KDM4C: variants seen among roughly 807,000 people sequenced by gnomAD.
KDM4C encodes the protein lysine-specific demethylase 4C.
In KDM4C, 81 loss-of-function variants were observed where a neutral mutation model predicts 129.3. That is an observed-to-expected ratio of 0.63 (90% confidence interval 0.52 to 0.75). The LOEUF is 0.75. Ranked by LOEUF, KDM4C falls within the 30% of genes least tolerant of loss-of-function variation. The probability of loss-of-function intolerance (pLI) is 0.00; values close to 1 mark genes in which losing one functional copy is unlikely to be tolerated. For missense variants in KDM4C, 1,457 were observed against 1,304.0 expected, an observed-to-expected ratio of 1.12 and a Z score of -1.81; for synonymous variants, 573 against 456.1, an observed-to-expected ratio of 1.26 and a Z score of -3.26.
chr9:6,984,484 G>T, intron 10 of KDM4C, 80 bp downstream of exon 10: 1 of 890,466 alleles, frequency 1.1e-6, no homozygotes, highest in Admixed American at 1.8e-5. Flanking sequence ...TGTTCACTAT[G>T]ACAAGTATCT....
intron 4 of KDM4C, among the ~76,000 whole-genome samples, chr9:6,833,252 A>T (rs1022291335): frequency 1.3e-5 from 2 of 152,008 alleles, no homozygotes; most frequent in Non-Finnish European, 1.5e-5. Flanking sequence ...TATTTTTTTT[A>T]AAAAACAGAA....
intron 7 of KDM4C, 45 bp downstream of exon 7, chr9:6,888,108 G>C: frequency 1.9e-6 from 2 of 1,053,206 alleles, no homozygotes; most frequent in Non-Finnish European, 2.8e-6. Context: ...GTTTGTGTAG[G>C]ATTTGTATTT....
At chr9:7,127,567 G>A (rs1473875842) in intron 18 of KDM4C, among the ~76,000 whole-genome samples, 1 of 152,160 alleles carries the variant, frequency 6.6e-6, no homozygotes, top group African/African-American at 2.4e-5. Flanking sequence ...CCTGATTAAA[G>A]AAGCCTAAAG....
At chr9:6,794,186 G>C (rs1039265355) in intron 2 of KDM4C, among the ~76,000 whole-genome samples, 1 of 152,248 alleles carries the variant, frequency 6.6e-6, no homozygotes, top group African/African-American at 2.4e-5. Context: ...GCTAGAGGTA[G>C]GGATATGGGG....
In KDM4C at chr9:6,955,888, T is replaced by C. The variant is rs143467963; in HGVS notation, c.922-25037T>C. Among the ~76,000 whole-genome samples the C allele has an allele frequency of 2.7e-4, 41 of 152,342 alleles. No individual in the cohort carries two copies. The East Asian group carries it at 6.7e-3, about 25-fold the overall frequency. On this transcript the variant is annotated intron_variant, in intron 8 of 21. Transcript: ENST00000381309. ...ACAAAATTGTTCTCAATCTTTATAA[T>C]GCTAGTAAAAGAGCACAATACAACC...
At chr9:6,731,584 G>A (rs62566475) in intron 1 of KDM4C, among the ~76,000 whole-genome samples, 13,083 of 151,860 alleles carry the variant, frequency 0.086, 735 homozygotes, top group Non-Finnish European at 0.12. Context: ...CGCCCACCTC[G>A]GCCTCCCAAA....
chr9:6,858,350 CACCACCACG>C (rs1840273379), intron 5 of KDM4C, among the ~76,000 whole-genome samples: 2 of 151,976 alleles, frequency 1.3e-5, no homozygotes, highest in Admixed American at 6.6e-5. Flanking sequence ...ACACCACCAC[CACCACCACG>C]ACCACCACCA....
intron 4 of KDM4C, among the ~76,000 whole-genome samples, chr9:6,816,876 T>C (rs1832202814): frequency 6.6e-6 from 1 of 152,018 alleles, no homozygotes. Flanking sequence ...AAGTTCCCTT[T>C]TCTGTGGTTT....
chr9:6,843,662 G>A (rs1837370439), intron 4 of KDM4C, among the ~76,000 whole-genome samples: 1 of 152,192 alleles, frequency 6.6e-6, no homozygotes, highest in African/African-American at 2.4e-5. Flanking sequence ...GGTGGAGCCA[G>A]CATTTGGTTG....
chr9:7,145,954 G>A (rs1431092053), intron 19 of KDM4C, among the ~76,000 whole-genome samples: 1 of 152,240 alleles, frequency 6.6e-6, no homozygotes, highest in Non-Finnish European at 1.5e-5. Context: ...TTGCTCTCAG[G>A]TGTGGAAACA....
intron 14 of KDM4C, among the ~76,000 whole-genome samples, chr9:7,015,373 C>T (rs937374684): frequency 2.6e-5 from 4 of 151,988 alleles, no homozygotes; most frequent in Admixed American, 2.0e-4. Context: ...TTGGGTCAGG[C>T]GTGAACTGAA....
At chr9:6,932,469 G>T (rs1337969441) in intron 8 of KDM4C, among the ~76,000 whole-genome samples, 1 of 152,062 alleles carries the variant, frequency 6.6e-6, no homozygotes, top group Non-Finnish European at 1.5e-5. Context: ...CATACATTTG[G>T]GTCATAGGGA....
intron 4 of KDM4C, among the ~76,000 whole-genome samples, chr9:6,837,489 A>G (rs1277407664): frequency 6.6e-6 from 1 of 152,196 alleles, no homozygotes; most frequent in Non-Finnish European, 1.5e-5. Context: ...CATCAGCTTT[A>G]AAAGCTTCTT....
intron 4 of KDM4C, among the ~76,000 whole-genome samples, chr9:6,843,700 G>C (rs926310505): frequency 2.0e-5 from 3 of 152,134 alleles, no homozygotes; most frequent in Non-Finnish European, 4.4e-5. Context: ...GTGCAGCATG[G>C]TGCTATTCTG....
At chr9:7,080,834 C>G (rs560585388) in intron 17 of KDM4C, among the ~76,000 whole-genome samples, 2 of 152,322 alleles carry the variant, frequency 1.3e-5, no homozygotes, top group Non-Finnish European at 1.5e-5. Context: ...GCGTTATAGT[C>G]TTCCAGAATT....
chr9:7,010,474 A>T (rs1418761757), intron 12 of KDM4C, among the ~76,000 whole-genome samples: 1 of 152,218 alleles, frequency 6.6e-6, no homozygotes, highest in Non-Finnish European at 1.5e-5. Flanking sequence ...GTAAGTCAAC[A>T]TGGGAAGGGC....
chr9:6,941,034 C>T (rs2131393590), intron 8 of KDM4C, among the ~76,000 whole-genome samples: 1 of 136,138 alleles, frequency 7.3e-6, no homozygotes, highest in African/African-American at 2.6e-5. Context: ...GGCATCTCTT[C>T]CTTTTTTTTT....
At chr9:6,979,925 A>G (rs1343721841) in intron 8 of KDM4C, among the ~76,000 whole-genome samples, 1 of 152,182 alleles carries the variant, frequency 6.6e-6, no homozygotes, top group Non-Finnish European at 1.5e-5. Flanking sequence ...AGTTGAAGAC[A>G]TTAATTTTAG....
At chr9:6,882,701 G>T (rs890843858) in intron 6 of KDM4C, among the ~76,000 whole-genome samples, 2 of 151,864 alleles carry the variant, frequency 1.3e-5, no homozygotes, top group Non-Finnish European at 2.9e-5. Context: ...TATTAAAAAA[G>T]CAGTATTTAG....
Sources: gnomAD v4.1 joint callset for allele counts (sites outside exome capture counted in the v4.1 genomes callset) on GRCh38, gnomAD v4.1.1 for gene constraint, MANE v1.5 for transcripts, NCBI Gene and HGNC (gene_info 2026-07-23, HGNC 2026-07-21) for gene names.